The following TAFA2 variants were observed in gnomAD, a reference collection of about 807,000 sequenced individuals.
The protein encoded by TAFA2 is TAFA chemokine like family member 2, also known as chemokine-like protein TAFA-2.
In TAFA2, 7 loss-of-function variants were observed where a neutral mutation model predicts 18.8. The observed-to-expected ratio is 0.37, with a 90% CI of 0.21 to 0.70. TAFA2 has a LOEUF of 0.70. Ranked by LOEUF, TAFA2 falls within the 30% of genes least tolerant of loss-of-function variation. The pLI, the probability that TAFA2 is intolerant of heterozygous loss-of-function variation, is 0.53. For missense variants in TAFA2, 122 were observed against 158.1 expected (o/e 0.77, Z 1.23); for synonymous variants, 60 against 54.2 (o/e 1.11, Z -0.47).
intron 1 of TAFA2, among the ~76,000 whole-genome samples, chr12:62,141,278 T>C (rs2062237146): frequency 6.6e-6 from 1 of 152,196 alleles, no homozygotes; most frequent in Non-Finnish European, 1.5e-5. Context: ...GTTCTGTCTA[T>C]GTAGACTGAT....
intron 1 of TAFA2, among the ~76,000 whole-genome samples, chr12:62,146,804 A>T (rs2062284695): frequency 1.3e-5 from 2 of 152,174 alleles, no homozygotes; most frequent in Admixed American, 1.3e-4. Flanking sequence ...AAAAATTAAT[A>T]ATCTCAAGAT....
At chr12:62,032,941 T>C (rs895569746) in intron 1 of TAFA2, among the ~76,000 whole-genome samples, 1 of 152,192 alleles carries the variant, frequency 6.6e-6, no homozygotes, top group Admixed American at 6.6e-5. Flanking sequence ...ATTACTATTA[T>C]TATTCTACCC....
At chr12:62,040,593 C>T (rs1014252130) in intron 1 of TAFA2, among the ~76,000 whole-genome samples, 1 of 152,124 alleles carries the variant, frequency 6.6e-6, no homozygotes, top group Non-Finnish European at 1.5e-5. Context: ...GCACTCTCCT[C>T]TAGAGGCTTC....
At chr12:62,166,078 C>T (rs952941579) in intron 1 of TAFA2, among the ~76,000 whole-genome samples, 2 of 152,044 alleles carry the variant, frequency 1.3e-5, no homozygotes, top group African/African-American at 2.4e-5. Context: ...TTGGCTAAAT[C>T]CCTCTGTGAA....
intron 1 of TAFA2, among the ~76,000 whole-genome samples, chr12:61,980,690 G>C (rs1879601931): frequency 6.6e-6 from 1 of 152,254 alleles, no homozygotes; most frequent in South Asian, 2.1e-4. Context: ...CAAATCATGA[G>C]TGAACTCCCA....
chr12:62,224,257 C>T (rs2062776643), intron 1 of TAFA2, among the ~76,000 whole-genome samples: 1 of 152,028 alleles, frequency 6.6e-6, no homozygotes. Flanking sequence ...ACCTGTATGA[C>T]GTACCATGTT....
intron 1 of TAFA2, among the ~76,000 whole-genome samples, chr12:62,257,236 T>A (rs2062945214): frequency 6.6e-6 from 1 of 151,248 alleles, no homozygotes; most frequent in African/African-American, 2.4e-5. Flanking sequence ...TAGGCAGATT[T>A]TTCCCTTAGG....
chr12:62,065,087 T>C (rs749311363), intron 1 of TAFA2, among the ~76,000 whole-genome samples: 4 of 152,018 alleles, frequency 2.6e-5, no homozygotes, highest in Non-Finnish European at 5.9e-5. Context: ...TCCCTCAAGA[T>C]TAAAATCACA....
At chr12:62,077,120 A>G (rs576985246) in intron 1 of TAFA2, among the ~76,000 whole-genome samples, 1 of 152,368 alleles carries the variant, frequency 6.6e-6, no homozygotes, top group South Asian at 2.1e-4. Context: ...AACACCAGAT[A>G]AATTATTAAA....
rs544799346 is a variant in TAFA2 at position 62,100,762 on chromosome 12, G to A, written c.-2+90497C>T. ...TTCTGCCCATTGTGGTATGCACATT[G>A]TGCTCTTCAAAACTTTTGAGTGCCA... On this transcript the variant is annotated intron_variant, in intron 1 of 4. Coordinates refer to ENST00000416284, the MANE Select transcript of TAFA2 (RefSeq NM_178539.5). Among the ~76,000 whole-genome samples the A allele has an allele frequency of 8.2e-4, 125 of 152,272 alleles. 1 individual carries two copies. The highest frequency in any genetic ancestry group is 2.6e-3 in the African/African-American group (107 of 41,558).
chr12:62,142,567 G>A (rs569431402), intron 1 of TAFA2, among the ~76,000 whole-genome samples: 4 of 152,116 alleles, frequency 2.6e-5, no homozygotes, highest in South Asian at 2.1e-4. Context: ...ACCCAATATT[G>A]GCCAATATTG....
intron 1 of TAFA2, among the ~76,000 whole-genome samples, chr12:61,909,727 A>G (rs983346828): frequency 6.6e-6 from 1 of 152,194 alleles, no homozygotes; most frequent in Non-Finnish European, 1.5e-5. Flanking sequence ...GAGTGGTCAC[A>G]TCTAAAGGCC....
At position 61,955,665 on chromosome 12, in the gene TAFA2, A is replaced by ATT. The variant is rs1555178830; in HGVS notation, c.-1-88240_-1-88239insAA. Among the ~76,000 whole-genome samples the ATT allele has an allele frequency of 1.7e-3, 200 of 120,346 alleles. 3 individuals carry two copies. Among genetic ancestry groups the ATT allele is most frequent in the African/African-American group, 4.9e-3 (143 of 29,260 alleles). 79.0% of individuals were successfully genotyped at this position (120,346 alleles called of 152,430 possible). A position where few individuals can be genotyped will look rare whatever the true frequency, so the allele number is the denominator to read the frequency against. ...TATATATATATATATATATATATAT[A>ATT]TATATTTAATTTTAAAAATTAAATC... On this transcript the variant is annotated intron_variant, in intron 1 of 4. Transcript: ENST00000416284.
chr12:61,878,157 A>G, intron 1 of TAFA2: 1 of 449,882 alleles, frequency 2.2e-6, no homozygotes, highest in South Asian at 1.6e-5. Flanking sequence ...GGAGGGAGAA[A>G]TAGAGAGTTA....
chr12:62,189,008 T>C (rs2062604427), intron 1 of TAFA2, among the ~76,000 whole-genome samples: 1 of 152,182 alleles, frequency 6.6e-6, no homozygotes, highest in African/African-American at 2.4e-5. Context: ...ATATCACATA[T>C]ACTTAGAAGC....
chr12:61,744,148 C>T (rs1868585708), intron 4 of TAFA2, among the ~76,000 whole-genome samples: 1 of 152,096 alleles, frequency 6.6e-6, no homozygotes, highest in South Asian at 2.1e-4. Context: ...AGAAATATTG[C>T]TCTCGCCACT....
intron 1 of TAFA2, among the ~76,000 whole-genome samples, chr12:62,039,679 G>C (rs2136757511): frequency 6.6e-6 from 1 of 152,296 alleles, no homozygotes; most frequent in Admixed American, 6.5e-5. Flanking sequence ...AGGTAAAGAA[G>C]AGAGATGGCT....
intron 1 of TAFA2, among the ~76,000 whole-genome samples, chr12:62,032,563 T>G (rs1484298189): frequency 1.3e-5 from 2 of 152,210 alleles, no homozygotes; most frequent in Admixed American, 6.5e-5. Flanking sequence ...ACCCCCGGCA[T>G]GAAAAGCATT....
At chr12:62,237,239 G>T (rs1302670124) in intron 1 of TAFA2, among the ~76,000 whole-genome samples, 1 of 152,174 alleles carries the variant, frequency 6.6e-6, no homozygotes, top group East Asian at 1.9e-4. Context: ...CGGGCGCGGT[G>T]GCTCACGCCT....
Sources: gnomAD v4.1 joint callset for allele counts (sites outside exome capture counted in the v4.1 genomes callset) on GRCh38, gnomAD v4.1.1 for gene constraint, MANE v1.5 for transcripts, NCBI Gene and HGNC (gene_info 2026-07-23, HGNC 2026-07-21) for gene names.